Variants in MTBP observed in about 807,000 individuals in gnomAD.
MTBP encodes mdm2-binding protein.
In MTBP, 101 loss-of-function variants were observed where a neutral mutation model predicts 117.0. The observed-to-expected ratio is 0.86, with a 90% CI of 0.73 to 1.02. The LOEUF is 1.02. Among genes scored for constraint, MTBP ranks in the 50% least tolerant of loss-of-function variants. MTBP has a pLI of 0.00. For missense variants in MTBP, 970 were observed against 1,030.9 expected (o/e 0.94, Z 0.81); for synonymous variants, 350 against 351.5 (o/e 1.00, Z 0.05).
intron 7 of MTBP, among the ~76,000 whole-genome samples, chr8:120,457,425 C>G (rs1402275734): frequency 6.6e-6 from 1 of 152,142 alleles, no homozygotes; most frequent in Admixed American, 6.5e-5. Context: ...TTTTGAGTTC[C>G]TCTAAAGTTT....
chr8:120,446,335 C>A, intron 1 of MTBP, 98 bp from the exon 2 acceptor site: 5 of 741,816 alleles, frequency 6.7e-6, no homozygotes, highest in South Asian at 3.0e-5. Flanking sequence ...CTTTTATGTA[C>A]AACCTACTGG....
Position 120,518,784 on chromosome 8 carries a change from G to A in MTBP, c.2577G>A (p.Gln859=). ...ETHECFTACS[Q]RLFEISKFYL... is the part of the protein sequence containing the mutation. Reference sequence around the variant, plus strand: ...ATGAATGTTTCACTGCATGCAGCCAGCGTCTCTTTGAAATCTCTAAGTTCT... The same window carrying A: ...ATGAATGTTTCACTGCATGCAGCCAACGTCTCTTTGAAATCTCTAAGTTCT... Residue 859 remains glutamine (Q), a synonymous_variant, in exon 20 of 22, where the codon CAG becomes CAA. Transcript: ENST00000305949. The A allele has an allele frequency of 1.2e-6, 2 of 1,611,606 alleles. No individual in the cohort carries two copies. Among genetic ancestry groups the A allele is most frequent in the Non-Finnish European group, 1.7e-6 (2 of 1,178,478 alleles).
In MTBP at chr8:120,459,320, C is replaced by T; in HGVS notation, c.853C>T (p.Pro285Ser). Residue 285 changes from proline (P) to serine (S), a missense_variant, in exon 8 of 22, where the codon CCA (proline) becomes TCA (serine). Coordinates refer to ENST00000305949, the MANE Select transcript of MTBP (RefSeq NM_022045.5). ...NTDFLAKKII[P>S]SKDKNILPKV... ...TGACTTCCTTGCCAAAAAGATCATA[C>T]CATCAAAGGATAAGAATATTTTGCC... is the stretch of plus-strand genomic sequence containing the variant. 1 of 1,610,642 alleles carries T rather than the reference C, an allele frequency of 6.2e-7. No individual in the cohort carries two copies. Among genetic ancestry groups the T allele is most frequent in the East Asian group, 2.2e-5 (1 of 44,658 alleles).
chr8:120,474,153 G>C (rs1011057798), intron 11 of MTBP, among the ~76,000 whole-genome samples: 3 of 151,488 alleles, frequency 2.0e-5, no homozygotes, highest in African/African-American at 7.3e-5. Flanking sequence ...CATTAATATT[G>C]GTAACTTGTG....
chr8:120,451,476 A>T (rs1813344957), intron 4 of MTBP, 154 bp downstream of exon 4: 1 of 565,490 alleles, frequency 1.8e-6, no homozygotes, highest in Admixed American at 3.4e-5. Context: ...CTTTTATTTG[A>T]ATAAAATTCT....
chr8:120,462,977 A>G (rs1194484643), intron 9 of MTBP, among the ~76,000 whole-genome samples: 1 of 152,144 alleles, frequency 6.6e-6, no homozygotes, highest in African/African-American at 2.4e-5. Flanking sequence ...GTGTTTTTAC[A>G]TAATATTCAG....
intron 19 of MTBP, 56 bp downstream of exon 19, chr8:120,518,156 G>C: frequency 2.6e-6 from 4 of 1,539,644 alleles, no homozygotes; most frequent in Non-Finnish European, 3.5e-6. Context: ...TTTTAAATTT[G>C]ATTACTTTAA....
chr8:120,494,453 G>A (rs865957458), intron 13 of MTBP, among the ~76,000 whole-genome samples: 15 of 152,196 alleles, frequency 9.9e-5, no homozygotes, highest in Non-Finnish European at 1.8e-4. Flanking sequence ...GTGGCAAACA[G>A]CAATGCACTA....
chr8:120,445,438 G>A lies in MTBP; in HGVS notation c.-33G>A. On this transcript the variant is annotated 5_prime_UTR_variant, in exon 1 of 22. Transcript: ENST00000305949. ...GCGCGTCTGTTTGGATGTGGAAGCC[G>A]AGACCTAAAGTTGGGGGGTGATCTC... The A allele has an allele frequency of 1.3e-6, 2 of 1,580,042 alleles. No homozygotes were observed. Among genetic ancestry groups the A allele is most frequent in the South Asian group, 1.1e-5 (1 of 90,192 alleles).
intron 16 of MTBP, among the ~76,000 whole-genome samples, chr8:120,509,067 T>G: frequency 6.6e-6 from 1 of 152,178 alleles, no homozygotes; most frequent in East Asian, 1.9e-4. Flanking sequence ...GAAAAAGAAC[T>G]GAACTCAGCA....
At chr8:120,476,065 G>A (rs1813929666) in intron 11 of MTBP, among the ~76,000 whole-genome samples, 1 of 152,010 alleles carries the variant, frequency 6.6e-6, no homozygotes, top group Non-Finnish European at 1.5e-5. Flanking sequence ...CTTATCTAAT[G>A]TCACAGGGTG....
intron 10 of MTBP, among the ~76,000 whole-genome samples, chr8:120,470,542 A>T (rs1813795358): frequency 6.6e-6 from 1 of 152,186 alleles, no homozygotes; most frequent in Non-Finnish European, 1.5e-5. Context: ...AATATTGTGT[A>T]TTTTTCAGAG....
chr8:120,510,846 G>A (rs146416713), intron 17 of MTBP, among the ~76,000 whole-genome samples: 88 of 151,948 alleles, frequency 5.8e-4, no homozygotes, highest in Middle Eastern at 3.4e-3. Flanking sequence ...GGAGATTGAG[G>A]CTGCAGTGAG....
chr8:120,461,987 G>A (rs145062546), intron 9 of MTBP, among the ~76,000 whole-genome samples: 4 of 152,244 alleles, frequency 2.6e-5, no homozygotes, highest in Admixed American at 6.5e-5. Context: ...CAAAGGTGTA[G>A]GAGAACGTTA....
rs375366253 is a variant in MTBP at position 120,465,942 on chromosome 8, C to A, written c.1047+2181C>A. Reference sequence around the variant, plus strand: ...ATAGGCAACACTAATCCTAGAAGCACCCTAAACTATTAATGTTTAATAATA... The same window carrying A: ...ATAGGCAACACTAATCCTAGAAGCAACCTAAACTATTAATGTTTAATAATA... On this transcript the variant is annotated intron_variant, in intron 10 of 21. Transcript: ENST00000305949. Among the ~76,000 whole-genome samples the A allele has an allele frequency of 2.8e-4, 42 of 151,898 alleles. No individual in the cohort carries two copies. The South Asian group carries it at 8.5e-3, about 31-fold the overall frequency.
chr8:120,480,955 GATA>G (rs1258228047), intron 11 of MTBP, among the ~76,000 whole-genome samples: 13 of 152,132 alleles, frequency 8.5e-5, no homozygotes, highest in South Asian at 2.1e-4. Context: ...ACAATGGACA[GATA>G]ATATTTGAAA....
intron 14 of MTBP, among the ~76,000 whole-genome samples, chr8:120,501,170 GAC>G (rs1255054908): frequency 8.2e-6 from 1 of 121,902 alleles, no homozygotes; most frequent in Non-Finnish European, 1.7e-5. Context: ...CAGCCTGGGT[GAC>G]AGAGTGAAAC....
At chr8:120,459,908 T>C (rs1485734214) in intron 8 of MTBP, among the ~76,000 whole-genome samples, 1 of 152,188 alleles carries the variant, frequency 6.6e-6, no homozygotes, top group Non-Finnish European at 1.5e-5. Context: ...ACATTTATTC[T>C]TAAAATGCAA....
In MTBP at chr8:120,463,742, T is replaced by C. The variant is rs1014165025; in HGVS notation, c.1028T>C (p.Ile343Thr). Residue 343 changes from isoleucine (I) to threonine (T), a missense_variant, in exon 10 of 22, where the codon ATT becomes ACT. Physicochemically the swap from Ile to Thr is moderately conservative, Grantham distance 89. Transcript: ENST00000305949. ...AATTCTGTGTTGCTGTTGGAGCAGA[T>C]TTCTTCTCTGTGTAGCAAGGTATTG... ...KQNSVLLLEQISSLCSKVGAL... is the reference protein window; with the variant it reads ...KQNSVLLLEQTSSLCSKVGAL... 3.1e-6 allele frequency: 5 copies of C among 1,612,264 alleles called. No homozygotes were observed. The highest frequency in any genetic ancestry group is 2.2e-5 in the East Asian group (1 of 44,752).
Sources: gnomAD v4.1 joint callset for allele counts (sites outside exome capture counted in the v4.1 genomes callset) on GRCh38, gnomAD v4.1.1 for gene constraint, MANE v1.5 for transcripts, NCBI Gene and HGNC (gene_info 2026-07-23, HGNC 2026-07-21) for gene names.